NDUFAF2: variants seen among roughly 807,000 people sequenced by gnomAD.
NDUFAF2 encodes the protein NADH dehydrogenase [ubiquinone] 1 alpha subcomplex assembly factor 2.
Under a neutral mutation model 22.8 loss-of-function variants are expected in NDUFAF2, and 13 were observed. The observed-to-expected ratio is 0.57, with a 90% CI of 0.37 to 0.91. The LOEUF is 0.91. NDUFAF2 is among the 40% of genes least tolerant of loss of function. The probability of loss-of-function intolerance (pLI) is 0.01; values close to 1 mark genes in which losing one functional copy is unlikely to be tolerated. For synonymous variants in NDUFAF2, 53 were observed against 64.2 expected (o/e 0.83, Z 0.84); for missense variants, 162 against 195.2 (o/e 0.83, Z 1.01).
chr5:60,965,870 G>A (rs1750752417), intron 1 of NDUFAF2, among the ~76,000 whole-genome samples: 1 of 151,994 alleles, frequency 6.6e-6, no homozygotes, highest in Non-Finnish European at 1.5e-5. Flanking sequence ...TTCATTTCCT[G>A]TGGATATATA....
chr5:61,031,435 T>C (rs1484837005), intron 1 of NDUFAF2, among the ~76,000 whole-genome samples: 1 of 152,170 alleles, frequency 6.6e-6, no homozygotes, highest in East Asian at 1.9e-4. Flanking sequence ...GTTAGTTTGC[T>C]GAGAATGATG....
intron 1 of NDUFAF2, among the ~76,000 whole-genome samples, chr5:61,030,561 A>G (rs1751710325): frequency 6.6e-6 from 1 of 152,106 alleles, no homozygotes; most frequent in Non-Finnish European, 1.5e-5. Context: ...GGTCTTTTAT[A>G]TATAAAACCA....
At chr5:60,978,607 T>C (rs554885237) in intron 1 of NDUFAF2, among the ~76,000 whole-genome samples, 6 of 152,286 alleles carry the variant, frequency 3.9e-5, no homozygotes, top group South Asian at 4.1e-4. Context: ...CGTTAAACCA[T>C]GAGAAACTGC....
In NDUFAF2 at chr5:61,005,997, C is replaced by T. The variant is rs546502380; in HGVS notation, c.127+60615C>T. On this transcript the variant is annotated intron_variant, in intron 1 of 3. Transcript: ENST00000296597. ...TTTGTTGCCATTGCTTTTGGTGTTTCAGACATGAAGTCCTTGCCCATACCT... is the reference window on the plus strand; with the variant it reads ...TTTGTTGCCATTGCTTTTGGTGTTTTAGACATGAAGTCCTTGCCCATACCT... Among the ~76,000 whole-genome samples, 230 of 152,090 alleles carry T rather than the reference C, an allele frequency of 1.5e-3. 1 individual carries two copies. The highest frequency in any genetic ancestry group is 5.3e-3 in the African/African-American group (218 of 41,514).
At chr5:61,054,333 C>T (rs763821273) in intron 1 of NDUFAF2, among the ~76,000 whole-genome samples, 2 of 152,064 alleles carry the variant, frequency 1.3e-5, no homozygotes, top group African/African-American at 4.8e-5. Flanking sequence ...AAGTAATAGT[C>T]CTATCAAAAT....
At chr5:61,026,996 T>C (rs1751658103) in intron 1 of NDUFAF2, among the ~76,000 whole-genome samples, 2 of 151,752 alleles carry the variant, frequency 1.3e-5, no homozygotes, top group African/African-American at 4.8e-5. Context: ...CAGATAGCTT[T>C]ATTTGAAAAT....
chr5:61,064,105 T>C (rs1182421475), intron 1 of NDUFAF2, among the ~76,000 whole-genome samples: 3 of 152,054 alleles, frequency 2.0e-5, no homozygotes, highest in South Asian at 4.1e-4. Flanking sequence ...TACTTACATA[T>C]GATAAAATAG....
At chr5:61,023,660 T>C (rs1263709485) in intron 1 of NDUFAF2, among the ~76,000 whole-genome samples, 2 of 152,204 alleles carry the variant, frequency 1.3e-5, no homozygotes, top group African/African-American at 4.8e-5. Flanking sequence ...CCCTCACATA[T>C]ATAGGATACT....
intron 1 of NDUFAF2, among the ~76,000 whole-genome samples, chr5:61,018,690 T>C (rs1751542282): frequency 6.6e-6 from 1 of 152,148 alleles, no homozygotes; most frequent in Non-Finnish European, 1.5e-5. Flanking sequence ...GTTTGTAGTG[T>C]TCTTAAATTT....
rs867723869 is a variant in NDUFAF2 at position 61,089,505 on chromosome 5, A to G, written c.218-9487A>G. Reference sequence around the variant, plus strand: ...TAGTTGGGAAATTGGGTATGATTTTACAAATAAGTGGTCACGTTGAGCATT... The same window carrying G: ...TAGTTGGGAAATTGGGTATGATTTTGCAAATAAGTGGTCACGTTGAGCATT... On this transcript the variant is annotated intron_variant, in intron 2 of 3. Coordinates refer to ENST00000296597, the MANE Select transcript of NDUFAF2 (RefSeq NM_174889.5). Among the ~76,000 whole-genome samples the G allele has an allele frequency of 3.9e-5, 6 of 152,314 alleles. No individual in the cohort carries two copies. The South Asian group carries it at 1.2e-3, about 32-fold the overall frequency.
chr5:61,074,457 C>T (rs988467740), intron 2 of NDUFAF2, among the ~76,000 whole-genome samples: 5 of 152,062 alleles, frequency 3.3e-5, no homozygotes, highest in African/African-American at 1.2e-4. Context: ...CATGGTGGCA[C>T]GTGCCTGTAG....
chr5:60,976,344 A>C (rs1750902816), intron 1 of NDUFAF2, among the ~76,000 whole-genome samples: 1 of 151,922 alleles, frequency 6.6e-6, no homozygotes, highest in South Asian at 2.1e-4. Flanking sequence ...CGTAAGCTTA[A>C]AGCTTTTTTA....
At chr5:60,964,538 C>T (rs763493604) in intron 1 of NDUFAF2, among the ~76,000 whole-genome samples, 43 of 151,768 alleles carry the variant, frequency 2.8e-4, no homozygotes, top group Non-Finnish European at 4.4e-4. Context: ...GCAACCTCTG[C>T]GTCCCAGGTT....
intron 1 of NDUFAF2, among the ~76,000 whole-genome samples, chr5:61,000,243 A>G (rs906654714): frequency 2.0e-5 from 3 of 152,116 alleles, no homozygotes; most frequent in South Asian, 4.1e-4. Flanking sequence ...TTTTTGATAG[A>G]AAATGAGTAG....
At chr5:60,996,849 G>A (rs1751234969) in intron 1 of NDUFAF2, among the ~76,000 whole-genome samples, 1 of 152,178 alleles carries the variant, frequency 6.6e-6, no homozygotes, top group African/African-American at 2.4e-5. Flanking sequence ...TGAGGTCAGG[G>A]AGGGGTGGCA....
intron 3 of NDUFAF2, among the ~76,000 whole-genome samples, chr5:61,149,794 C>T (rs1741200271): frequency 6.6e-6 from 1 of 152,120 alleles, no homozygotes; most frequent in Non-Finnish European, 1.5e-5. Flanking sequence ...AGGAAAAATA[C>T]TTGCTTTTTG....
chr5:61,062,359 A>G (rs1752175584), intron 1 of NDUFAF2, among the ~76,000 whole-genome samples: 1 of 152,136 alleles, frequency 6.6e-6, no homozygotes, highest in Non-Finnish European at 1.5e-5. Flanking sequence ...ATAGATAGAT[A>G]TCATAAAAAT....
intron 1 of NDUFAF2, among the ~76,000 whole-genome samples, chr5:60,988,887 A>G (rs1296270057): frequency 3.3e-5 from 5 of 152,336 alleles, no homozygotes; most frequent in Middle Eastern, 3.4e-3. Flanking sequence ...TATGACAAAG[A>G]CACCAAAAGC....
intron 1 of NDUFAF2, among the ~76,000 whole-genome samples, chr5:60,958,869 C>T (rs980744960): frequency 2.1e-4 from 32 of 152,030 alleles, no homozygotes; most frequent in African/African-American, 6.5e-4. Context: ...CATAATGTCA[C>T]GACGCCTCTA....
Sources: allele counts gnomAD v4.1 joint callset (sites outside exome capture counted in the v4.1 genomes callset), GRCh38; gene constraint gnomAD v4.1.1; transcripts MANE v1.5; gene names NCBI Gene and HGNC (gene_info 2026-07-23, HGNC 2026-07-21).